The following FSTL4 variants were observed in gnomAD, a reference collection of about 807,000 sequenced individuals.
The protein encoded by FSTL4 is follistatin-related protein 4.
FSTL4 carries 28 observed loss-of-function variants against 78.2 expected under a neutral mutation model. That is an observed-to-expected ratio of 0.36 (90% CI 0.27 to 0.49). FSTL4 has a LOEUF of 0.49. Among genes scored for constraint, FSTL4 ranks in the 20% least tolerant of loss-of-function variants. The pLI, the probability that FSTL4 is intolerant of heterozygous loss-of-function variation, is 0.98. For missense variants in FSTL4, 922 were observed against 1,084.9 expected, an observed-to-expected ratio of 0.85 and a Z score of 2.11; for synonymous variants, 422 against 440.5, an observed-to-expected ratio of 0.96 and a Z score of 0.53.
chr5:133,633,505 C>CT, the FSTL4 span, among the ~76,000 whole-genome samples: 1 of 152,056 alleles, frequency 6.6e-6, no homozygotes. Flanking sequence ...GAGACTTTCT[C>CT]TTTTTTTCAT....
At chr5:133,474,266 C>T (rs1757883544) in intron 3 of FSTL4, among the ~76,000 whole-genome samples, 1 of 152,156 alleles carries the variant, frequency 6.6e-6, no homozygotes, top group East Asian at 1.9e-4. Flanking sequence ...GCATCACCCT[C>T]TCTCATCACG....
chr5:133,611,323 C>T lies in FSTL4; in HGVS notation c.-11+1002G>A, dbSNP rs567521454. The stretch of plus-strand genomic sequence containing the variant: ...ACCCCACTGCCTCGGCGGCTTTCCG[C>T]TCCCGCAAGAGTTGCGGGCACAAAG... On this transcript the variant is annotated intron_variant, in intron 1 of 15. Coordinates refer to ENST00000265342, the MANE Select transcript of FSTL4 (RefSeq NM_015082.2). The surrounding 1 kb of genome is among the most constrained non-coding windows in gnomAD (Gnocchi z 4.9). Among the ~76,000 whole-genome samples the T allele has an allele frequency of 5.2e-4, 79 of 152,310 alleles. 1 individual carries two copies. The highest frequency in any genetic ancestry group is 3.5e-4 in the Non-Finnish European group (24 of 68,018).
chr5:133,551,167 A>T (rs780831388), intron 3 of FSTL4, among the ~76,000 whole-genome samples: 1 of 152,148 alleles, frequency 6.6e-6, no homozygotes, highest in South Asian at 2.1e-4. Context: ...CGGGCGAGCC[A>T]CTCAAAGCAA....
chr5:133,702,894 G>T, the FSTL4 span, among the ~76,000 whole-genome samples: 1 of 152,116 alleles, frequency 6.6e-6, no homozygotes, highest in Non-Finnish European at 1.5e-5. Context: ...CTGCAAACAG[G>T]GCAGCACATA....
chr5:133,661,973 G>A, the FSTL4 span, among the ~76,000 whole-genome samples: 1 of 152,060 alleles, frequency 6.6e-6, no homozygotes, highest in Non-Finnish European at 1.5e-5. Flanking sequence ...CACAAAGTAG[G>A]CATTCAATTA....
chr5:133,540,720 C>CAAAAAAAAAAAAAAAAAAGAAAAAAAA (rs1759448613), intron 3 of FSTL4, among the ~76,000 whole-genome samples: 1 of 70,266 alleles, frequency 1.4e-5, no homozygotes, highest in African/African-American at 5.7e-5. Flanking sequence ...TTAACATAGG[C>CAAAAAAAAAAAAAAAAAAGAAAAAAAA]AAAAAAAAAA....
intron 4 of FSTL4, among the ~76,000 whole-genome samples, chr5:133,385,354 C>T (rs548445770): frequency 6.6e-6 from 1 of 152,362 alleles, no homozygotes; most frequent in African/African-American, 2.4e-5. Flanking sequence ...TTACTATCCT[C>T]AGGAGTGTGA....
chr5:133,316,420 T>C lies in FSTL4; in HGVS notation c.603+39A>G, dbSNP rs1753903480. 3 of 1,536,122 alleles carry C rather than the reference T, an allele frequency of 2.0e-6. No homozygotes were observed. The African/African-American group carries it at 4.1e-5, about 21-fold the overall frequency. On this transcript the variant is annotated intron_variant, in intron 5 of 15. Coordinates refer to ENST00000265342, the MANE Select transcript of FSTL4 (RefSeq NM_015082.2). Reference sequence around the variant, plus strand: ...CCGGGGTGGGAAATGGAAAACTGGATTCCTCCATCATGTGACTTTCACTGA... The same window carrying C: ...CCGGGGTGGGAAATGGAAAACTGGACTCCTCCATCATGTGACTTTCACTGA...
At chr5:133,457,546 C>T (rs1757516032) in intron 3 of FSTL4, among the ~76,000 whole-genome samples, 1 of 152,220 alleles carries the variant, frequency 6.6e-6, no homozygotes, top group African/African-American at 2.4e-5. Flanking sequence ...CTTTGAAATG[C>T]TGTGAAGCCC....
At chr5:133,796,130 G>A in the FSTL4 span, among the ~76,000 whole-genome samples, 64 of 152,282 alleles carry the variant, frequency 4.2e-4, no homozygotes, top group African/African-American at 1.4e-3. Flanking sequence ...TATTTGAAAC[G>A]ACAGAGAAAT....
chr5:133,662,829 C>T, the FSTL4 span, among the ~76,000 whole-genome samples: 209 of 152,270 alleles, frequency 1.4e-3, no homozygotes, highest in African/African-American at 4.8e-3. Context: ...CTCTTCCATC[C>T]TAAGCCAAAG....
intron 6 of FSTL4, among the ~76,000 whole-genome samples, chr5:133,287,544 G>C (rs958195986): frequency 2.6e-5 from 4 of 152,098 alleles, no homozygotes; most frequent in Non-Finnish European, 5.9e-5. Context: ...GGCCGCAGTT[G>C]GGTCATTTCA....
intron 6 of FSTL4, among the ~76,000 whole-genome samples, chr5:133,262,357 G>C (rs1015551799): frequency 2.6e-5 from 4 of 152,332 alleles, no homozygotes; most frequent in African/African-American, 7.2e-5. Context: ...CTGCACACTT[G>C]AGTGCCTTTG....
chr5:133,301,598 G>A (rs1753541770), intron 6 of FSTL4, among the ~76,000 whole-genome samples: 1 of 152,090 alleles, frequency 6.6e-6, no homozygotes, highest in African/African-American at 2.4e-5. Context: ...AGTCCTTTGG[G>A]GCCCATTCCC....
the FSTL4 span, among the ~76,000 whole-genome samples, chr5:133,763,256 G>C: frequency 1.3e-5 from 2 of 152,214 alleles, no homozygotes; most frequent in Non-Finnish European, 2.9e-5. Context: ...TTACCTACAA[G>C]AGTAGCCAAT....
the FSTL4 span, among the ~76,000 whole-genome samples, chr5:133,707,424 C>A: frequency 6.6e-6 from 1 of 152,192 alleles, no homozygotes; most frequent in South Asian, 2.1e-4. Flanking sequence ...ACATAATCAT[C>A]TTCTGGGACC....
intron 6 of FSTL4, among the ~76,000 whole-genome samples, chr5:133,276,271 T>C (rs1050330980): frequency 6.6e-6 from 1 of 152,170 alleles, no homozygotes; most frequent in Admixed American, 6.5e-5. Flanking sequence ...CCTGGCTTGC[T>C]TGGGGCCTGT....
At chr5:133,654,614 T>C in the FSTL4 span, among the ~76,000 whole-genome samples, 2 of 152,202 alleles carry the variant, frequency 1.3e-5, no homozygotes, top group Non-Finnish European at 2.9e-5. Flanking sequence ...CTACCTTTTC[T>C]TTTCAGACTT....
At chr5:133,474,394 G>C (rs1296854406) in intron 3 of FSTL4, among the ~76,000 whole-genome samples, 1 of 152,202 alleles carries the variant, frequency 6.6e-6, no homozygotes, top group Non-Finnish European at 1.5e-5. Flanking sequence ...CACAGGTTCA[G>C]GCTGGGCATT....
Sources: gnomAD v4.1 joint callset for allele counts (sites outside exome capture counted in the v4.1 genomes callset) on GRCh38, gnomAD v4.1.1 for gene constraint, Gnocchi (gnomAD v3.1) non-coding constraint, MANE v1.5 for transcripts, NCBI Gene and HGNC (gene_info 2026-07-23, HGNC 2026-07-21) for gene names.